The following ADAM19 variants were observed in gnomAD, a reference collection of about 807,000 sequenced individuals.
ADAM19 encodes ADAM metallopeptidase domain 19.
ADAM19 carries 65 observed loss-of-function variants against 114.7 expected under a neutral mutation model. The ratio of observed to expected loss-of-function variants is 0.57; its 90% CI spans 0.46 to 0.70. The LOEUF (loss-of-function observed/expected upper bound fraction) is 0.70. ADAM19 is among the 30% of genes least tolerant of loss of function. The pLI, the probability that ADAM19 is intolerant of heterozygous loss-of-function variation, is 0.00. For synonymous variants in ADAM19, 466 were observed against 460.5 expected, an observed-to-expected ratio of 1.01 and a Z score of -0.15; for missense variants, 1,063 against 1,204.7, an observed-to-expected ratio of 0.88 and a Z score of 1.74.
intron 3 of ADAM19, 147 bp downstream of exon 3, chr5:157,564,226 C>T: frequency 2.8e-6 from 2 of 701,954 alleles, no homozygotes; most frequent in South Asian, 3.3e-5. Flanking sequence ...AAGGCTCTGG[C>T]TTTGCAAGAT....
chr5:157,571,128 A>G, intron 1 of ADAM19, 148 bp from the exon 2 acceptor site: 1 of 622,642 alleles, frequency 1.6e-6, no homozygotes. Context: ...GGAACTAGGC[A>G]CTCTAGGTGT....
intron 3 of ADAM19, among the ~76,000 whole-genome samples, chr5:157,547,198 G>A (rs745659566): frequency 1.2e-4 from 18 of 152,174 alleles, no homozygotes; most frequent in Admixed American, 3.3e-4. Flanking sequence ...TTAGTCCATT[G>A]AGTCTAATTA....
rs754892696 is a variant in ADAM19 at position 157,496,907 on chromosome 5, C to T, written c.1581G>A (p.Gln527=). 3 of 1,584,202 alleles carry T rather than the reference C, an allele frequency of 1.9e-6. No homozygotes were observed. Among genetic ancestry groups the T allele is most frequent in the Non-Finnish European group, 2.6e-6 (3 of 1,166,954 alleles). Reference sequence around the variant, plus strand: ...GGAGAGCCTTACCGGGTCCCCACAGCTGCTGGCACTGCTCCTGGTAGGTGA... The same window carrying T: ...GGAGAGCCTTACCGGGTCCCCACAGTTGCTGGCACTGCTCCTGGTAGGTGA... ...MCLTYQEQCQ[Q]LWGPGARPAP... Residue 527 remains glutamine (Q), a synonymous_variant, in exon 14 of 23, where the codon CAG becomes CAA. Transcript: ENST00000257527.
chr5:157,570,840 C>A (rs1757799183), intron 2 of ADAM19, 55 bp downstream of exon 2: 2 of 1,498,168 alleles, frequency 1.3e-6, no homozygotes, highest in Non-Finnish European at 1.9e-6. Context: ...GAGTAGGTAG[C>A]CCAAACCTCA....
chr5:157,495,270 G>A lies in ADAM19; in HGVS notation c.1595-475C>T, dbSNP rs1289844439. On this transcript the variant is annotated intron_variant, in intron 14 of 22. Coordinates refer to ENST00000257527, the MANE Select transcript of ADAM19 (RefSeq NM_033274.5). Reference sequence around the variant, plus strand: ...CCCGCCTCGGCCTCCCAAAGTGCTGGGATTACAGGCGTGAGCCACCACACC... The same window carrying A: ...CCCGCCTCGGCCTCCCAAAGTGCTGAGATTACAGGCGTGAGCCACCACACC... Among the ~76,000 whole-genome samples, 4 of 152,026 alleles carry A rather than the reference G, an allele frequency of 2.6e-5. No homozygotes were observed. In the South Asian group the frequency reaches 8.3e-4, roughly 32 times the overall value.
At position 157,490,383 on chromosome 5, in the gene ADAM19, A is replaced by C; in HGVS notation, c.2167T>G (p.Cys723Gly). The C allele has an allele frequency of 6.2e-7, 1 of 1,614,168 alleles. No individual in the cohort carries two copies. Among genetic ancestry groups the C allele is most frequent in the Non-Finnish European group, 8.5e-7 (1 of 1,180,036 alleles). Residue 723 changes from cysteine (C) to glycine (G), a missense_variant, in exon 19 of 23, where the codon TGC becomes GGC. Physicochemically the swap from Cys to Gly is radical, Grantham distance 159 (BLOSUM62 -3). Coordinates refer to ENST00000257527, the MANE Select transcript of ADAM19 (RefSeq NM_033274.5). ...CCTAGTTTGTTGTTCTGTCTGCAGC[A>C]GTAGTACATCAGCATGAGGACCGCC... Reference protein sequence around the residue: ...VLAVLMLMYYCCRQNNKLGQL... With the variant: ...VLAVLMLMYYGCRQNNKLGQL...
At chr5:157,529,003 A>C (rs1169905005) in intron 5 of ADAM19, among the ~76,000 whole-genome samples, 10 of 152,334 alleles carry the variant, frequency 6.6e-5, no homozygotes, top group Non-Finnish European at 2.9e-5. Context: ...GCCACCTCCT[A>C]TCAGCTCACC....
intron 3 of ADAM19, among the ~76,000 whole-genome samples, chr5:157,554,276 G>A (rs902538910): frequency 1.3e-5 from 2 of 152,180 alleles, no homozygotes; most frequent in South Asian, 4.1e-4. Flanking sequence ...AGGCCAACAG[G>A]GCAGTTGACA....
At chr5:157,516,200 A>G (rs1239307616) in intron 7 of ADAM19, among the ~76,000 whole-genome samples, 1 of 152,124 alleles carries the variant, frequency 6.6e-6, no homozygotes, top group Non-Finnish European at 1.5e-5. Context: ...GGCCTGTTAC[A>G]CACCCCCACC....
intron 8 of ADAM19, among the ~76,000 whole-genome samples, chr5:157,511,640 A>C (rs746472191): frequency 2.3e-4 from 35 of 152,250 alleles, no homozygotes; most frequent in Admixed American, 3.3e-4. Context: ...CTTTTGAAGG[A>C]AGTAAACTTG....
rs753996543 is a variant in ADAM19, at chr5:157,488,349, C to T, written c.2466G>A (p.Gly822=). The T allele has an allele frequency of 4.5e-5, 72 of 1,614,082 alleles. No homozygotes were observed. The South Asian group carries it at 7.1e-4, about 16-fold the overall frequency. The part of the protein sequence containing the change: ...SRAARNSPGP[G]SQIERTESSR... ...ACGACTCCGTCCTCTCTATTTGAGA[C>T]CCGGGCCCTGGGGAGTTCCTAGCAG... is the stretch of plus-strand genomic sequence containing the variant. Residue 822 remains glycine (G), a synonymous_variant, in exon 21 of 23, where the codon GGG becomes GGA. Transcript: ENST00000257527.
At chr5:157,549,934 T>C (rs1364410223) in intron 3 of ADAM19, among the ~76,000 whole-genome samples, 1 of 152,236 alleles carries the variant, frequency 6.6e-6, no homozygotes, top group East Asian at 1.9e-4. Context: ...AGAATACTGA[T>C]ACATACTACA....
chr5:157,507,227 T>A lies in ADAM19; in HGVS notation c.906-87A>T, dbSNP rs528672908. The A allele has an allele frequency of 3.0e-6, 4 of 1,347,954 alleles. No individual in the cohort carries two copies. In the African/African-American group the frequency reaches 5.8e-5, roughly 19 times the overall value. 83.5% of individuals were successfully genotyped at this position (1,347,954 alleles called of 1,614,324 possible). Reference sequence around the variant, plus strand: ...CTGGGAGTAAGTGGCCATCACGGGGTTCCCTGGACCCGCTGACTTTCCCAG... The same window carrying A: ...CTGGGAGTAAGTGGCCATCACGGGGATCCCTGGACCCGCTGACTTTCCCAG... On this transcript the variant is annotated intron_variant, in intron 9 of 22. Coordinates refer to ENST00000257527, the MANE Select transcript of ADAM19 (RefSeq NM_033274.5).
At position 157,480,843 on chromosome 5, in the gene ADAM19, G is replaced by C; in HGVS notation, c.*106C>G. On this transcript the variant is annotated 3_prime_UTR_variant, in exon 23 of 23. Transcript: ENST00000257527. ...ATGTGGAGGTTCCTGGAGGAGGGTG[G>C]GAGGAGCTCAGAGGCGGCCAGACAT... 6.4e-7 allele frequency: 1 copy of C among 1,566,822 alleles called. No individual in the cohort carries two copies. The highest frequency in any genetic ancestry group is 8.6e-7 in the Non-Finnish European group (1 of 1,158,636).
intron 14 of ADAM19, among the ~76,000 whole-genome samples, chr5:157,495,854 G>A (rs1755345002): frequency 6.7e-6 from 1 of 149,452 alleles, no homozygotes; most frequent in Admixed American, 6.7e-5. Flanking sequence ...GGCTGGTCTT[G>A]AACTCCTGAC....
In ADAM19 at chr5:157,497,206, A is replaced by G. The variant is rs1159569712; in HGVS notation, c.1399-117T>C. On this transcript the variant is annotated intron_variant, in intron 13 of 22. Coordinates refer to ENST00000257527, the MANE Select transcript of ADAM19 (RefSeq NM_033274.5). ...CAGAATTTTCCATTACCATGATTTC[A>G]CAGCACTTTTTACATGACCTCATTA... is the stretch of plus-strand genomic sequence containing the variant. 10 of 973,710 alleles carry G rather than the reference A, an allele frequency of 1.0e-5. No homozygotes were observed. The East Asian group carries it at 3.3e-4, about 32-fold the overall frequency. 60.3% of individuals were successfully genotyped at this position (973,710 alleles called of 1,614,324 possible).
intron 7 of ADAM19, among the ~76,000 whole-genome samples, chr5:157,517,012 C>T (rs781633441): frequency 1.6e-4 from 25 of 152,132 alleles, no homozygotes; most frequent in Admixed American, 5.9e-4. Flanking sequence ...TAAATCTAAA[C>T]GCTTTTCAAA....
At chr5:157,511,318 C>T (rs539635237) in intron 8 of ADAM19, among the ~76,000 whole-genome samples, 2 of 152,306 alleles carry the variant, frequency 1.3e-5, no homozygotes, top group South Asian at 2.1e-4. Flanking sequence ...CCACTTTTTA[C>T]GTACTAGGCA....
At chr5:157,488,163 T>C (rs2113691735) in intron 21 of ADAM19, 102 bp downstream of exon 21, 3 of 1,230,546 alleles carry the variant, frequency 2.4e-6, no homozygotes, top group African/African-American at 3.0e-5. Flanking sequence ...GGCAGTCAGC[T>C]CATGACCCCA....
Sources: allele counts gnomAD v4.1 joint callset (sites outside exome capture counted in the v4.1 genomes callset), GRCh38; gene constraint gnomAD v4.1.1; transcripts MANE v1.5; gene names NCBI Gene and HGNC (gene_info 2026-07-23, HGNC 2026-07-21).